SRSF10: variants seen among roughly 807,000 people sequenced by gnomAD.
SRSF10 encodes serine and arginine rich splicing factor 10.
Under a neutral mutation model 32.6 loss-of-function variants are expected in SRSF10, and 9 were observed. The observed-to-expected ratio is 0.28, with a 90% CI of 0.17 to 0.48. The LOEUF (loss-of-function observed/expected upper bound fraction) is 0.48. SRSF10 is among the 20% of genes least tolerant of loss of function. SRSF10 has a pLI of 0.99. For missense variants in SRSF10, 201 were observed against 331.8 expected, an observed-to-expected ratio of 0.61 and a Z score of 3.06; for synonymous variants, 105 against 112.4, an observed-to-expected ratio of 0.93 and a Z score of 0.42.
At chr1:23,973,069 T>C (rs971303256) in intron 3 of SRSF10, among the ~76,000 whole-genome samples, 1 of 152,156 alleles carries the variant, frequency 6.6e-6, no homozygotes, top group Admixed American at 6.5e-5. Context: ...TAGAGGTGTC[T>C]GTAGTTTTGG....
intron 2 of SRSF10, chr1:23,975,489 T>C (rs1642032260): frequency 6.3e-6 from 1 of 159,638 alleles, no homozygotes; most frequent in African/African-American, 2.4e-5. Context: ...CATATTTGTT[T>C]CAAACGAAAA....
chr1:23,978,236 C>G (rs1570792343), intron 2 of SRSF10: 1 of 985,826 alleles, frequency 1.0e-6, no homozygotes, highest in African/African-American at 1.7e-5. Flanking sequence ...TTCATGCTTT[C>G]TCTTTGGGGT....
At chr1:23,978,063 T>A (rs1642197002) in intron 2 of SRSF10, 1 of 985,446 alleles carries the variant, frequency 1.0e-6, no homozygotes, top group Non-Finnish European at 1.2e-6. Context: ...TTTTCCCCCT[T>A]TTGTAGATAA....
chr1:23,969,524 C>G lies in SRSF10; in HGVS notation c.*1618G>C. 3.0e-6 allele frequency: 3 copies of G among 985,356 alleles called. No individual in the cohort carries two copies. The highest frequency in any genetic ancestry group is 3.6e-6 in the Non-Finnish European group (3 of 829,848). The allele number at this position is 985,356 out of a possible 1,614,324, so 61.0% of individuals were successfully genotyped here. A position where few individuals can be genotyped will look rare whatever the true frequency, so the allele number is the denominator to read the frequency against. ...TTAAAATCCATCGTTGTATTCTTTACAGGCAAAGCCTAGATTACTAAAACC... is the reference window on the plus strand; with the variant it reads ...TTAAAATCCATCGTTGTATTCTTTAGAGGCAAAGCCTAGATTACTAAAACC... On this transcript the variant is annotated 3_prime_UTR_variant, in exon 6 of 6. Coordinates refer to ENST00000492112, the MANE Select transcript of SRSF10 (RefSeq NM_054016.4).
intron 2 of SRSF10, chr1:23,978,306 G>A (rs1430077630): frequency 8.1e-6 from 8 of 993,014 alleles, no homozygotes; most frequent in African/African-American, 1.7e-5. Context: ...CAAATTAGGG[G>A]ACAATATTAA....
In SRSF10 at chr1:23,967,860, C is replaced by T; in HGVS notation, c.*3282G>A. 5.8e-6 allele frequency: 9 copies of T among 1,549,504 alleles called. 1 individual carries two copies. In the South Asian group the frequency reaches 1.1e-4, roughly 18 times the overall value. ...GAGAATAATACAATAGTTCCCAGGT[C>T]TTTCCCCTGGGATGTAACTTAACAG... is the stretch of plus-strand genomic sequence containing the variant. On this transcript the variant is annotated 3_prime_UTR_variant, in exon 6 of 6. Coordinates refer to ENST00000492112, the MANE Select transcript of SRSF10 (RefSeq NM_054016.4).
chr1:23,979,805 GAAAAA>G (rs35808059), intron 1 of SRSF10, among the ~76,000 whole-genome samples: 1 of 150,348 alleles, frequency 6.7e-6, no homozygotes, highest in Non-Finnish European at 1.5e-5. Context: ...TTTGGCTGGG[GAAAAA>G]AAAAAATCTC....
Position 23,967,596 on chromosome 1 carries a change from A to T in SRSF10, c.*3546T>A. The T allele has an allele frequency of 1.1e-6, 1 of 876,902 alleles. No homozygotes were observed. The highest frequency in any genetic ancestry group is 1.9e-6 in the Non-Finnish European group (1 of 520,722). The allele number at this position is 876,902 out of a possible 1,614,324, so 54.3% of individuals were successfully genotyped here. ...GAGTCAAAATATTCGTACAGTATTC[A>T]TACTGCAGCACCTTCCACCCACCCT... On this transcript the variant is annotated 3_prime_UTR_variant, in exon 6 of 6. Transcript: ENST00000492112.
At chr1:23,979,832 G>A (rs1042418080) in intron 1 of SRSF10, among the ~76,000 whole-genome samples, 39 of 151,644 alleles carry the variant, frequency 2.6e-4, no homozygotes, top group Non-Finnish European at 5.2e-4. Context: ...GGGCCAAGGG[G>A]GCGTGAACCT....
At position 23,967,709 on chromosome 1, in the gene SRSF10, C is replaced by T; in HGVS notation, c.*3433G>A. On this transcript the variant is annotated 3_prime_UTR_variant, in exon 6 of 6. Coordinates refer to ENST00000492112, the MANE Select transcript of SRSF10 (RefSeq NM_054016.4). ...GTAAGCAGAACTGTACTGGGTATTC[C>T]AGCTGCAGTTTGGTCTTAAATAAAA... 6.2e-7 allele frequency: 1 copy of T among 1,609,430 alleles called. No homozygotes were observed. The highest frequency in any genetic ancestry group is 1.7e-5 in the Admixed American group (1 of 59,912).
chr1:23,971,235 T>C lies in SRSF10; in HGVS notation c.696A>G (p.Pro232=). ...RYEKESRKKE[P]PRSKSQSRSQ... ...ATCTTGACTGAGATTTGGATCTAGGTGGTTCTTTTTTCCTTGATTCCTTTT... is the reference window on the plus strand; with the variant it reads ...ATCTTGACTGAGATTTGGATCTAGGCGGTTCTTTTTTCCTTGATTCCTTTT... The change falls in exon 6 of 6, where the codon CCA becomes CCG. Residue 232 remains proline (P), a synonymous_variant. Transcript: ENST00000492112. 6.2e-7 allele frequency: 1 copy of C among 1,614,096 alleles called. No homozygotes were observed. Among genetic ancestry groups the C allele is most frequent in the Non-Finnish European group, 8.5e-7 (1 of 1,179,970 alleles).
At chr1:23,975,842 A>G (rs956321844) in intron 2 of SRSF10, 20 of 152,246 alleles carry the variant, frequency 1.3e-4, no homozygotes, top group Non-Finnish European at 2.5e-4. Context: ...CTTCTTGCAA[A>G]GAAATGGGTT....
In SRSF10 at chr1:23,966,491, T is replaced by C. The variant is rs1226693790; in HGVS notation, c.*4651A>G. Reference sequence around the variant, plus strand: ...ATTTATTCGCTATACACAGAACATGTCCCCTATAAAATGTACATGTAAATC... The same window carrying C: ...ATTTATTCGCTATACACAGAACATGCCCCCTATAAAATGTACATGTAAATC... On this transcript the variant is annotated 3_prime_UTR_variant, in exon 6 of 6. Transcript: ENST00000492112. The C allele has an allele frequency of 2.0e-5, 3 of 152,052 alleles. No individual in the cohort carries two copies. Among genetic ancestry groups the C allele is most frequent in the Non-Finnish European group, 4.4e-5 (3 of 67,892 alleles). The allele number at this position is 152,052 out of a possible 1,614,324, so 9.4% of individuals were successfully genotyped here. A position where few individuals can be genotyped will look rare whatever the true frequency, so the allele number is the denominator to read the frequency against.
At position 23,969,591 on chromosome 1, in the gene SRSF10, A is replaced by G. The variant is rs1173184374; in HGVS notation, c.*1551T>C. On this transcript the variant is annotated 3_prime_UTR_variant, in exon 6 of 6. Coordinates refer to ENST00000492112, the MANE Select transcript of SRSF10 (RefSeq NM_054016.4). ...ATCCTCTAAAAGGAATCGTTTGTCC[A>G]TAATTCGTACTTGTATCTGTAAGCA... 1.0e-6 allele frequency: 1 copy of G among 985,284 alleles called. No individual in the cohort carries two copies. Among genetic ancestry groups the G allele is most frequent in the Non-Finnish European group, 1.2e-6 (1 of 829,774 alleles). 61.0% of individuals were successfully genotyped at this position (985,284 alleles called of 1,614,324 possible).
rs1333843793 is a variant in SRSF10 at position 23,964,577 on chromosome 1, T to C, written c.*6565A>G. Reference sequence around the variant, plus strand: ...CCAGGTCCAAAACCTATCCTTAAGCTTAAAATAAATACTAATAAACTATCC... The same window carrying C: ...CCAGGTCCAAAACCTATCCTTAAGCCTAAAATAAATACTAATAAACTATCC... On this transcript the variant is annotated 3_prime_UTR_variant, in exon 6 of 6. Coordinates refer to ENST00000492112, the MANE Select transcript of SRSF10 (RefSeq NM_054016.4). Among the ~76,000 whole-genome samples the C allele has an allele frequency of 6.6e-6, 1 of 151,990 alleles. No individual in the cohort carries two copies. Among genetic ancestry groups the C allele is most frequent in the Non-Finnish European group, 1.5e-5 (1 of 67,888 alleles).
At chr1:23,979,140 A>AT (rs1300114072) in intron 1 of SRSF10, among the ~76,000 whole-genome samples, 1 of 150,228 alleles carries the variant, frequency 6.7e-6, no homozygotes, top group Non-Finnish European at 1.5e-5. Flanking sequence ...TTACTCCCCA[A>AT]TTTTAGCGAC....
chr1:23,971,357 T>G lies in SRSF10; in HGVS notation c.574A>C (p.Lys192Gln). ...GCAGACCTAGAACGTGATTTAGCCT[T>G]CATTTCTTTCTTGGGCTGGGACTTG... Reference protein sequence around the residue: ...RSKSQPKKEMKAKSRSRSASH... With the variant: ...RSKSQPKKEMQAKSRSRSASH... Residue 192 changes from lysine to glutamine, a missense_variant, in exon 6 of 6, where the codon AAG (lysine) becomes CAG (glutamine). Around this residue, in one of 3 missense-constraint regions of SRSF10, gnomAD observed 159 missense variants for 196.7 expected, o/e 0.81. Transcript: ENST00000492112. 1.2e-6 allele frequency: 2 copies of G among 1,612,744 alleles called. No individual in the cohort carries two copies. Among genetic ancestry groups the G allele is most frequent in the Non-Finnish European group, 1.7e-6 (2 of 1,179,934 alleles).
At chr1:23,972,399 C>CA (rs1193137538) in intron 3 of SRSF10, among the ~76,000 whole-genome samples, 1,509 of 139,354 alleles carry the variant, frequency 0.011, 20 homozygotes, top group African/African-American at 0.021. Context: ...ACCCTGTCTC[C>CA]AAAAAAAAAA....
chr1:23,972,267 T>C (rs1641804106), intron 3 of SRSF10, among the ~76,000 whole-genome samples: 1 of 151,922 alleles, frequency 6.6e-6, no homozygotes, highest in African/African-American at 2.4e-5. Flanking sequence ...TAGCTGGGCC[T>C]AGTGGCTTGC....
Sources: gnomAD v4.1 joint callset for allele counts (sites outside exome capture counted in the v4.1 genomes callset) on GRCh38, gnomAD v4.1.1 for gene constraint, gnomAD v4.1.1 regional missense constraint, MANE v1.5 for transcripts, NCBI Gene and HGNC (gene_info 2026-07-23, HGNC 2026-07-21) for gene names.